The following RNLS variants were observed in gnomAD, a reference collection of about 807,000 sequenced individuals.
RNLS encodes the protein renalase.
Under a neutral mutation model 39.8 loss-of-function variants are expected in RNLS, and 39 were observed. The observed-to-expected ratio is 0.98, with a 90% CI of 0.76 to 1.28. The LOEUF is 1.28. RNLS is among the 50% of genes most tolerant of loss of function. The pLI, the probability that RNLS is intolerant of heterozygous loss-of-function variation, is 0.00. For synonymous variants in RNLS, 147 were observed against 150.7 expected (o/e 0.98, Z 0.18); for missense variants, 410 against 413.3 (o/e 0.99, Z 0.07).
intron 4 of RNLS, among the ~76,000 whole-genome samples, chr10:88,496,244 C>T (rs540583643): frequency 6.6e-5 from 10 of 152,062 alleles, no homozygotes; most frequent in Non-Finnish European, 1.5e-4. Context: ...GTAATTAAAA[C>T]CCCAGGAATT....
intron 4 of RNLS, among the ~76,000 whole-genome samples, 196 bp downstream of exon 4, chr10:88,572,707 C>A (rs1267131726): frequency 6.6e-6 from 1 of 152,176 alleles, no homozygotes; most frequent in Admixed American, 6.5e-5. Flanking sequence ...AACTTTTAAC[C>A]AGCTTTAAAA....
chr10:88,245,262 A>T, the RNLS span, among the ~76,000 whole-genome samples: 1 of 152,212 alleles, frequency 6.6e-6, no homozygotes, highest in Non-Finnish European at 1.5e-5. Flanking sequence ...ATGATCACAA[A>T]TAGTCCTTTA....
intron 6 of RNLS, among the ~76,000 whole-genome samples, chr10:88,301,698 T>A (rs1293928803): frequency 6.6e-6 from 1 of 152,228 alleles, no homozygotes; most frequent in Non-Finnish European, 1.5e-5. Context: ...CAGGGATCTA[T>A]CACTTTCATC....
chr10:88,187,721 C>T, the RNLS span, among the ~76,000 whole-genome samples: 3 of 152,172 alleles, frequency 2.0e-5, no homozygotes, highest in South Asian at 2.1e-4. Context: ...CACAGCACAA[C>T]CTAGCTTATT....
At chr10:88,505,523 G>T (rs920800010) in intron 4 of RNLS, among the ~76,000 whole-genome samples, 3 of 150,488 alleles carry the variant, frequency 2.0e-5, no homozygotes, top group Non-Finnish European at 3.0e-5. Context: ...AGAAAAGGAA[G>T]GATTCAAGGA....
At chr10:88,350,150 T>C (rs891964517) in intron 5 of RNLS, among the ~76,000 whole-genome samples, 8 of 152,126 alleles carry the variant, frequency 5.3e-5, no homozygotes, top group African/African-American at 1.9e-4. Context: ...TTGTTCTACT[T>C]AAAAAGTTTT....
At chr10:88,529,389 T>C (rs1847289144) in intron 4 of RNLS, among the ~76,000 whole-genome samples, 1 of 152,210 alleles carries the variant, frequency 6.6e-6, no homozygotes, top group African/African-American at 2.4e-5. Context: ...TACGTTTAGC[T>C]ATACACATTC....
intron 4 of RNLS, among the ~76,000 whole-genome samples, chr10:88,515,957 T>C (rs1166859167): frequency 6.6e-6 from 1 of 152,016 alleles, no homozygotes; most frequent in Non-Finnish European, 1.5e-5. Context: ...CCAATTTGAC[T>C]GGTGTCCTTA....
At chr10:88,514,953 A>C (rs942146991) in intron 4 of RNLS, among the ~76,000 whole-genome samples, 2 of 152,118 alleles carry the variant, frequency 1.3e-5, no homozygotes, top group African/African-American at 2.4e-5. Context: ...TTTTTGGAGG[A>C]AACTCCATAT....
the RNLS span, among the ~76,000 whole-genome samples, chr10:88,246,021 T>G: frequency 6.6e-6 from 1 of 152,228 alleles, no homozygotes; most frequent in Non-Finnish European, 1.5e-5. Context: ...TGGCTAGAAT[T>G]GCAACCCACA....
chr10:88,470,169 T>A (rs1288130156), intron 4 of RNLS, among the ~76,000 whole-genome samples: 6 of 152,122 alleles, frequency 3.9e-5, no homozygotes, highest in Non-Finnish European at 7.3e-5. Context: ...ATTACATGTT[T>A]TTTTTTAAGC....
chr10:88,319,630 A>G (rs1307090080), intron 5 of RNLS, among the ~76,000 whole-genome samples: 1 of 152,070 alleles, frequency 6.6e-6, no homozygotes, highest in Non-Finnish European at 1.5e-5. Flanking sequence ...ATTCATGGAA[A>G]GAATTTCAAA....
the RNLS span, among the ~76,000 whole-genome samples, chr10:88,232,957 C>A: frequency 6.6e-6 from 1 of 152,200 alleles, no homozygotes; most frequent in Non-Finnish European, 1.5e-5. Context: ...ATGTTCCAAT[C>A]CTGTGTTACT....
chr10:88,212,781 C>T, the RNLS span, among the ~76,000 whole-genome samples: 2 of 152,170 alleles, frequency 1.3e-5, no homozygotes, highest in African/African-American at 2.4e-5. Context: ...GAATGACTGT[C>T]GGTTTCCCAG....
chr10:88,429,985 T>C (rs1163177124), intron 4 of RNLS, among the ~76,000 whole-genome samples: 1 of 151,860 alleles, frequency 6.6e-6, no homozygotes, highest in Non-Finnish European at 1.5e-5. Context: ...TTGTTTTCCC[T>C]ATTCTAGGTC....
intron 4 of RNLS, among the ~76,000 whole-genome samples, chr10:88,491,806 T>C (rs1335981013): frequency 6.6e-6 from 1 of 152,074 alleles, no homozygotes; most frequent in African/African-American, 2.4e-5. Context: ...TTATCACTGA[T>C]AAAAGATCTT....
At chr10:88,413,897 C>A (rs1393541939) in intron 4 of RNLS, among the ~76,000 whole-genome samples, 1 of 152,130 alleles carries the variant, frequency 6.6e-6, no homozygotes, top group African/African-American at 2.4e-5. Context: ...TACTGAGAAC[C>A]TGGACCTTAT....
chr10:88,330,880 C>T (rs997125053), intron 5 of RNLS, among the ~76,000 whole-genome samples: 2 of 151,854 alleles, frequency 1.3e-5, no homozygotes, highest in African/African-American at 2.4e-5. Context: ...TATAAAGCTA[C>T]AGTAATTAAA....
intron 4 of RNLS, among the ~76,000 whole-genome samples, chr10:88,491,888 A>G (rs1322655783): frequency 6.6e-6 from 1 of 151,926 alleles, no homozygotes; most frequent in Admixed American, 6.6e-5. Flanking sequence ...TTCCAACCCA[A>G]TTCTCACCCA....
Sources: gnomAD v4.1 joint callset for allele counts (sites outside exome capture counted in the v4.1 genomes callset) on GRCh38, gnomAD v4.1.1 for gene constraint, MANE v1.5 for transcripts, NCBI Gene and HGNC (gene_info 2026-07-23, HGNC 2026-07-21) for gene names.